The following STK32B variants were observed in gnomAD, a reference collection of about 807,000 sequenced individuals.
STK32B encodes the protein serine/threonine kinase 32B.
A neutral mutation model predicts 52.6 loss-of-function variants in STK32B; 43 were observed. The ratio of observed to expected loss-of-function variants is 0.82; its 90% confidence interval spans 0.64 to 1.05. The LOEUF (loss-of-function observed/expected upper bound fraction) is 1.05, where lower values mean the gene tolerates loss of function less well. Ranked by LOEUF, STK32B falls within the 50% of genes least tolerant of loss-of-function variation. The pLI is 0.00. For synonymous variants in STK32B, 238 were observed against 204.3 expected (o/e 1.17, Z -1.41); for missense variants, 621 against 534.6 (o/e 1.16, Z -1.59).
At position 5,395,633 on chromosome 4, in the gene STK32B, C is replaced by G. The variant is rs972864200; in HGVS notation, c.435-2574C>G. Among the ~76,000 whole-genome samples the G allele has an allele frequency of 6.6e-6, 1 of 152,204 alleles. No individual in the cohort carries two copies. Among genetic ancestry groups the G allele is most frequent in the Non-Finnish European group, 1.5e-5 (1 of 68,038 alleles). On this transcript the variant is annotated intron_variant, in intron 4 of 11. Coordinates refer to ENST00000282908, the MANE Select transcript of STK32B (RefSeq NM_018401.3). The surrounding 1 kb of genome is among the most constrained non-coding windows in gnomAD (Gnocchi z 4.4). ...TCAGTTGGGTCTGTCTTGTTCACGA[C>G]GTGTCCTTCATGACCGCAAAGGGGA...
intron 1 of STK32B, among the ~76,000 whole-genome samples, chr4:5,062,991 T>G (rs1049497722): frequency 6.6e-6 from 1 of 152,226 alleles, no homozygotes; most frequent in Non-Finnish European, 1.5e-5. Flanking sequence ...TATTTTTTCT[T>G]CGGACACTGA....
chr4:5,450,734 T>C (rs923760296), intron 7 of STK32B, among the ~76,000 whole-genome samples: 2 of 152,252 alleles, frequency 1.3e-5, no homozygotes, highest in African/African-American at 4.8e-5. Context: ...TAAATGATTC[T>C]GATTATGTTA....
the STK32B span, among the ~76,000 whole-genome samples, chr4:5,039,311 T>C: frequency 6.6e-6 from 1 of 152,218 alleles, no homozygotes. Context: ...TTTCTGTCTT[T>C]ATAACCTGAA....
At chr4:5,213,672 C>T (rs1191808187) in intron 3 of STK32B, among the ~76,000 whole-genome samples, 2 of 152,156 alleles carry the variant, frequency 1.3e-5, no homozygotes, top group Admixed American at 6.5e-5. Flanking sequence ...CAAATACTTC[C>T]TTCTTAGCGA....
chr4:5,054,714 A>C (rs571267721), intron 1 of STK32B, among the ~76,000 whole-genome samples: 1 of 152,342 alleles, frequency 6.6e-6, no homozygotes, highest in East Asian at 1.9e-4. Flanking sequence ...AGCTCTCCCA[A>C]ACCATAGTCA....
At chr4:5,264,441 G>A (rs1211679733) in intron 3 of STK32B, among the ~76,000 whole-genome samples, 3 of 152,026 alleles carry the variant, frequency 2.0e-5, no homozygotes, top group Admixed American at 2.0e-4. Context: ...ATCTTCCTTT[G>A]TGAAGTATAT....
rs114637222 is a variant in STK32B, at chr4:5,338,006, G to T, written c.434+6613G>T. ...AAGCCTGGAGTTTGAAAGTGAAGGA[G>T]TCATTAGAAGTCTATCATTTAGAGA... On this transcript the variant is annotated intron_variant, in intron 4 of 11. Transcript: ENST00000282908. Among the ~76,000 whole-genome samples the T allele has an allele frequency of 2.0e-5, 3 of 152,150 alleles. No homozygotes were observed. In the East Asian group the frequency reaches 5.8e-4, roughly 29 times the overall value.
intron 3 of STK32B, among the ~76,000 whole-genome samples, chr4:5,297,441 CAT>C (rs1462360551): frequency 1.3e-5 from 2 of 151,998 alleles, no homozygotes; most frequent in East Asian, 1.9e-4. Flanking sequence ...GGTCTTTTTA[CAT>C]AGTCACATAT....
intron 3 of STK32B, among the ~76,000 whole-genome samples, chr4:5,302,858 G>A (rs1729654690): frequency 6.6e-6 from 1 of 151,924 alleles, no homozygotes; most frequent in Non-Finnish European, 1.5e-5. Flanking sequence ...ATGAAGTTTG[G>A]TATTCCATTC....
At chr4:5,248,476 G>A (rs1420262966) in intron 3 of STK32B, among the ~76,000 whole-genome samples, 4 of 152,162 alleles carry the variant, frequency 2.6e-5, no homozygotes, top group Non-Finnish European at 2.9e-5. Context: ...TCTAAACATA[G>A]GGCCACCATT....
At chr4:5,230,208 T>TTTTTTG (rs58022709) in intron 3 of STK32B, among the ~76,000 whole-genome samples, 1,491 of 103,326 alleles carry the variant, frequency 0.014, 78 homozygotes, top group Admixed American at 0.02. Context: ...TTTTTTTTTT[T>TTTTTTG]TAGTGGAGTC....
intron 4 of STK32B, among the ~76,000 whole-genome samples, chr4:5,368,051 T>A (rs915530257): frequency 2.6e-5 from 4 of 152,112 alleles, no homozygotes; most frequent in Non-Finnish European, 5.9e-5. Flanking sequence ...GATTTCTACC[T>A]CTTCTGGGTT....
chr4:5,477,830 G>A (rs1007653385), intron 11 of STK32B, among the ~76,000 whole-genome samples: 1 of 152,238 alleles, frequency 6.6e-6, no homozygotes, highest in African/African-American at 2.4e-5. Context: ...CAATCCTGCC[G>A]TGTGCTGGGA....
At chr4:5,229,956 AT>A (rs1724139022) in intron 3 of STK32B, among the ~76,000 whole-genome samples, 1 of 151,962 alleles carries the variant, frequency 6.6e-6, no homozygotes, top group Non-Finnish European at 1.5e-5. Flanking sequence ...ATTTTTGAAT[AT>A]GCATGTTTAT....
intron 4 of STK32B, among the ~76,000 whole-genome samples, chr4:5,387,623 A>G (rs1736341781): frequency 6.6e-6 from 1 of 152,132 alleles, no homozygotes; most frequent in Non-Finnish European, 1.5e-5. Context: ...TATTTGAAGC[A>G]TGCACAGGTC....
At chr4:5,491,383 GA>G (rs1719721534) in intron 11 of STK32B, among the ~76,000 whole-genome samples, 1 of 152,202 alleles carries the variant, frequency 6.6e-6, no homozygotes, top group African/African-American at 2.4e-5. Flanking sequence ...CTTCTTTTGA[GA>G]AGTGTCTGTT....
intron 3 of STK32B, among the ~76,000 whole-genome samples, chr4:5,244,776 G>A (rs1421267098): frequency 6.6e-6 from 1 of 152,136 alleles, no homozygotes; most frequent in Non-Finnish European, 1.5e-5. Context: ...GGTATGTTGT[G>A]TCTTTGTTCT....
intron 11 of STK32B, among the ~76,000 whole-genome samples, chr4:5,486,740 G>A (rs768416474): frequency 1.4e-4 from 21 of 152,200 alleles, no homozygotes; most frequent in Admixed American, 7.2e-4. Flanking sequence ...GACTGGAGCT[G>A]GCTCCACCCC....
chr4:5,401,360 T>C (rs1201097364), intron 5 of STK32B, among the ~76,000 whole-genome samples: 1 of 152,214 alleles, frequency 6.6e-6, no homozygotes, highest in African/African-American at 2.4e-5. Flanking sequence ...CATTGAATAC[T>C]TTCTCAGAGA....
Sources: allele counts gnomAD v4.1 joint callset (sites outside exome capture counted in the v4.1 genomes callset), GRCh38; gene constraint gnomAD v4.1.1; non-coding constraint Gnocchi (gnomAD v3.1); transcripts MANE v1.5; gene names NCBI Gene and HGNC (gene_info 2026-07-23, HGNC 2026-07-21).